Variants in LLGL2 observed in about 807,000 individuals in gnomAD.
The protein encoded by LLGL2 is LLGL scribble cell polarity complex component 2.
LLGL2 carries 81 observed loss-of-function variants against 123.2 expected under a neutral mutation model. The observed-to-expected ratio is 0.66, with a 90% CI of 0.55 to 0.79. The LOEUF (loss-of-function observed/expected upper bound fraction) is 0.79, where lower values mean the gene tolerates loss of function less well. Among genes scored for constraint, LLGL2 ranks in the 30% least tolerant of loss-of-function variants. The probability of loss-of-function intolerance (pLI) is 0.00; values close to 1 mark genes in which losing one functional copy is unlikely to be tolerated. For missense variants in LLGL2, 1,273 were observed against 1,414.6 expected, an observed-to-expected ratio of 0.90 and a Z score of 1.61; for synonymous variants, 577 against 594.1, an observed-to-expected ratio of 0.97 and a Z score of 0.42.
intron 2 of LLGL2, among the ~76,000 whole-genome samples, chr17:75,551,590 A>G (rs1367342670): frequency 6.6e-6 from 1 of 152,148 alleles, no homozygotes; most frequent in East Asian, 1.9e-4. Context: ...CCTCTGAGTT[A>G]GAGGAAAGAT....
At chr17:75,542,985 T>A (rs1488066143) in intron 1 of LLGL2, 1 of 153,044 alleles carries the variant, frequency 6.5e-6, no homozygotes, top group Non-Finnish European at 1.5e-5. Context: ...GGCCTTGGTG[T>A]TTCTACCTTC....
chr17:75,571,493 A>G (rs2055704759), intron 17 of LLGL2, 174 bp from the exon 18 acceptor site: 1 of 607,074 alleles, frequency 1.6e-6, no homozygotes. Context: ...CTGCTGTATC[A>G]CAGCAAGGGC....
intron 1 of LLGL2, among the ~76,000 whole-genome samples, chr17:75,539,648 C>T (rs2054136641): frequency 1.3e-5 from 2 of 151,018 alleles, no homozygotes; most frequent in South Asian, 4.2e-4. Context: ...CACTCCGTCA[C>T]CCAGACTGGA....
intron 1 of LLGL2, among the ~76,000 whole-genome samples, chr17:75,529,587 G>T (rs944495406): frequency 2.9e-4 from 44 of 151,932 alleles, no homozygotes; most frequent in Non-Finnish European, 5.7e-4. Flanking sequence ...ATTAGGCCGG[G>T]CTCTGTGTCT....
Position 75,568,661 on chromosome 17 carries a change from G to A in LLGL2, c.1222G>A (p.Gly408Ser), listed in dbSNP as rs543885553. The A allele has an allele frequency of 3.7e-5, 59 of 1,613,716 alleles. 2 individuals carry two copies. The South Asian group carries it at 5.5e-4, about 15-fold the overall frequency. Residue 408 changes from glycine (G) to serine (S), a missense_variant, in exon 11 of 26, where the codon GGC becomes AGC. Physicochemically the swap from Gly to Ser is moderately conservative, Grantham distance 56 (BLOSUM62 0). Transcript: ENST00000392550. ...LKLWERIIAA[G>S]SRQNAHFSTM... ...GCTGTGGGAGCGGATCATTGCCGCCGGCAGCCGGCAGAACGCACACTTCTC... is the reference window on the plus strand; with the variant it reads ...GCTGTGGGAGCGGATCATTGCCGCCAGCAGCCGGCAGAACGCACACTTCTC...
Position 75,558,018 on chromosome 17 carries a change from C to T in LLGL2, c.174-137C>T, listed in dbSNP as rs753394798. 3 of 838,932 alleles carry T rather than the reference C, an allele frequency of 3.6e-6. No homozygotes were observed. The highest frequency in any genetic ancestry group is 4.1e-6 in the Non-Finnish European group (2 of 486,158). 52.0% of individuals were successfully genotyped at this position (838,932 alleles called of 1,614,324 possible). On this transcript the variant is annotated intron_variant, in intron 3 of 25. Transcript: ENST00000392550. This position sits in a 1 kb window ranked among gnomAD's most constrained non-coding sequence, Gnocchi z 4.0. The stretch of plus-strand genomic sequence containing the variant: ...TCTCCTCCCCACCCTAGGCTCCATG[C>T]ATGGGTCCTGCTGCCTCGGGGGAGG...
chr17:75,534,853 T>C (rs2053941619), intron 1 of LLGL2, among the ~76,000 whole-genome samples: 1 of 152,228 alleles, frequency 6.6e-6, no homozygotes, highest in South Asian at 2.1e-4. Context: ...ATTGTAAGAA[T>C]TAAATAAGGT....
intron 1 of LLGL2, among the ~76,000 whole-genome samples, chr17:75,531,181 G>A (rs999425307): frequency 3.9e-5 from 6 of 152,090 alleles, no homozygotes; most frequent in Admixed American, 1.3e-4. Flanking sequence ...CCTTGCTTGG[G>A]GAGAGGATGT....
rs1269905632 is a variant in LLGL2 at position 75,568,963 on chromosome 17, G to A, written c.1323-15G>A. ...GGCATCCCTCTCACGCCTGGCAGGT[G>A]GGTTCTGCCCACAGGCACGAGGACG... On this transcript the variant is annotated splice_polypyrimidine_tract_variant and intron_variant, in intron 12 of 25. Coordinates refer to ENST00000392550, the MANE Select transcript of LLGL2 (RefSeq NM_001031803.2). 7 of 1,606,018 alleles carry A rather than the reference G, an allele frequency of 4.4e-6. No individual in the cohort carries two copies. The Admixed American group carries it at 1.2e-4, about 27-fold the overall frequency.
intron 1 of LLGL2, among the ~76,000 whole-genome samples, chr17:75,532,326 C>G (rs989149183): frequency 7.2e-5 from 11 of 152,152 alleles, no homozygotes; most frequent in African/African-American, 2.7e-4. Context: ...TCTCAGCCCA[C>G]TGCAAGCTCC....
chr17:75,573,874 G>C (rs1598644904), intron 21 of LLGL2, 78 bp from the exon 22 acceptor site: 2 of 1,501,320 alleles, frequency 1.3e-6, no homozygotes, highest in South Asian at 1.2e-5. Context: ...CCATTGACTT[G>C]TTCTTCATGG....
In LLGL2 at chr17:75,570,231, A is replaced by G; in HGVS notation, c.1850A>G (p.Gln617Arg). The change falls in exon 15 of 26, where the codon CAG (glutamine) becomes CGG (arginine). Residue 617 changes from glutamine to arginine, a missense_variant. By Grantham distance (43) the Gln-to-Arg change is conservative (BLOSUM62 1). Transcript: ENST00000392550. ...TSHGFGLFDH[Q>R]QRRQVFVKCT... ...CATGGCTTTGGCCTCTTTGACCACC[A>G]GCAGCGGCGGCAGGTCTTTGTTAAG... 1.2e-6 allele frequency: 2 copies of G among 1,601,854 alleles called. No individual in the cohort carries two copies. Among genetic ancestry groups the G allele is most frequent in the Non-Finnish European group, 1.7e-6 (2 of 1,174,714 alleles).
chr17:75,562,850 A>G (rs2055280312), intron 6 of LLGL2, 166 bp from the exon 7 acceptor site: 2 of 833,446 alleles, frequency 2.4e-6, no homozygotes, highest in Non-Finnish European at 3.7e-6. Flanking sequence ...GATTACAGGC[A>G]TGAGCCACCA....
chr17:75,563,984 A>G (rs1045189745), intron 9 of LLGL2, among the ~76,000 whole-genome samples, 178 bp downstream of exon 9: 1 of 152,170 alleles, frequency 6.6e-6, no homozygotes, highest in African/African-American at 2.4e-5. Flanking sequence ...CAGCGGCCCA[A>G]TTCCTGCCAA....
chr17:75,570,560 AG>A, intron 16 of LLGL2, 62 bp downstream of exon 16: 3 of 1,526,250 alleles, frequency 2.0e-6, no homozygotes, highest in Admixed American at 2.0e-5. Flanking sequence ...AGCAGCCAGC[AG>A]GGGGGCCACA....
At chr17:75,530,582 A>G (rs1181355844) in intron 1 of LLGL2, among the ~76,000 whole-genome samples, 3 of 151,220 alleles carry the variant, frequency 2.0e-5, no homozygotes, top group African/African-American at 2.4e-5. Flanking sequence ...CCCGGGAGGC[A>G]GAGCTGGCAG....
intron 2 of LLGL2, among the ~76,000 whole-genome samples, chr17:75,552,848 G>C (rs1323839891): frequency 6.6e-6 from 1 of 152,236 alleles, no homozygotes; most frequent in Admixed American, 6.5e-5. Context: ...GCCCCATGGG[G>C]CTCATGGCTA....
In LLGL2 at chr17:75,573,076, A is replaced by C. The variant is rs780147308; in HGVS notation, c.2523A>C (p.Ser841=). The C allele has an allele frequency of 2.5e-6, 4 of 1,612,966 alleles. No individual in the cohort carries two copies. The Admixed American group carries it at 6.7e-5, about 27-fold the overall frequency. Residue 841 remains serine, a synonymous_variant, in exon 20 of 26, where the codon TCA becomes TCC. Coordinates refer to ENST00000392550, the MANE Select transcript of LLGL2 (RefSeq NM_001031803.2). ...LKLKLTALEG[S]RVRRVSVAHF... ...TGAAGCTGACGGCCCTGGAGGGCTC[A>C]AGAGTGCGGCGGGTCAGCGTGGCCC...
intron 2 of LLGL2, among the ~76,000 whole-genome samples, chr17:75,545,653 C>T (rs1212627565): frequency 6.6e-6 from 1 of 152,162 alleles, no homozygotes; most frequent in Non-Finnish European, 1.5e-5. Flanking sequence ...TCTGACCCTG[C>T]GGCTCCAGGG....
Sources: allele counts gnomAD v4.1 joint callset (sites outside exome capture counted in the v4.1 genomes callset), GRCh38; gene constraint gnomAD v4.1.1; non-coding constraint Gnocchi (gnomAD v3.1); transcripts MANE v1.5; gene names NCBI Gene and HGNC (gene_info 2026-07-23, HGNC 2026-07-21).